SERINC1: variants seen among roughly 807,000 people sequenced by gnomAD.
SERINC1 encodes serine incorporator 1, also known as tumor differentially expressed protein 2.
A neutral mutation model predicts 52.9 loss-of-function variants in SERINC1; 38 were observed. The ratio of observed to expected loss-of-function variants is 0.72; its 90% confidence interval spans 0.55 to 0.94. The LOEUF is 0.94. Ranked by LOEUF, SERINC1 falls within the 40% of genes least tolerant of loss-of-function variation. SERINC1 has a pLI of 0.00. For synonymous variants in SERINC1, 198 were observed against 183.1 expected (o/e 1.08, Z -0.66); for missense variants, 471 against 533.9 (o/e 0.88, Z 1.16).
intron 9 of SERINC1, among the ~76,000 whole-genome samples, chr6:122,445,895 A>G (rs112021972): frequency 1.3e-5 from 2 of 149,260 alleles, no homozygotes; most frequent in African/African-American, 4.9e-5. Context: ...AAAAAAAAAA[A>G]AAAAAGAACC....
At chr6:122,453,710 A>AT (rs1774949676) in intron 5 of SERINC1, 60 bp downstream of exon 5, 3 of 1,412,624 alleles carry the variant, frequency 2.1e-6, no homozygotes, top group Non-Finnish European at 9.6e-7. Context: ...CCTAGTCTAC[A>AT]TATCTATTCT....
intron 6 of SERINC1, 22 bp from the exon 7 acceptor site, chr6:122,451,776 A>AAAATATATAT: frequency 2.7e-4 from 31 of 113,034 alleles, no homozygotes; most frequent in African/African-American, 1.6e-3. Context: ...AAAAAAAAAA[A>AAAATATATAT]ATATATATAT....
chr6:122,444,167 T>G lies in SERINC1; in HGVS notation c.*877A>C, dbSNP rs980470362. The G allele has an allele frequency of 6.6e-6, 1 of 151,920 alleles. No homozygotes were observed. Among genetic ancestry groups the G allele is most frequent in the Non-Finnish European group, 1.5e-5 (1 of 68,002 alleles). The allele number at this position is 151,920 out of a possible 1,614,324, so 9.4% of individuals were successfully genotyped here. On this transcript the variant is annotated 3_prime_UTR_variant, in exon 10 of 10. Coordinates refer to ENST00000339697, the MANE Select transcript of SERINC1 (RefSeq NM_020755.4). ...ATGCTACAAAGCCCAGATTATTTTT[T>G]ATAGAAACAGGGTTTCACCATGTTG...
Position 122,452,027 on chromosome 6 carries a change from A to G in SERINC1, c.620T>C (p.Leu207Pro). The G allele has an allele frequency of 6.4e-7, 1 of 1,567,590 alleles. No individual in the cohort carries two copies. Among genetic ancestry groups the G allele is most frequent in the Non-Finnish European group, 8.6e-7 (1 of 1,158,790 alleles). ...CAGGACGATAGCAACTAAAGACAGC[A>G]GATAATTCAGAGCTGTAGCTGATAA... is the stretch of plus-strand genomic sequence containing the variant. ...ALLSATALNYLLSLVAIVLFF... is the reference protein window; with the variant it reads ...ALLSATALNYPLSLVAIVLFF... The change falls in exon 6 of 10, where the codon CTG (leucine) becomes CCG (proline). Residue 207 changes from leucine (L) to proline (P), a missense_variant. By Grantham distance (98) the Leu-to-Pro change is moderately conservative (BLOSUM62 -3). Coordinates refer to ENST00000339697, the MANE Select transcript of SERINC1 (RefSeq NM_020755.4).
At chr6:122,467,756 CTTAT>C (rs1259861041) in intron 1 of SERINC1, among the ~76,000 whole-genome samples, 11 of 152,140 alleles carry the variant, frequency 7.2e-5, no homozygotes, top group Non-Finnish European at 1.5e-5. Context: ...CATATATAAA[CTTAT>C]TTAAATAGTC....
chr6:122,465,114 C>G (rs1178558460), intron 1 of SERINC1, among the ~76,000 whole-genome samples: 2 of 151,652 alleles, frequency 1.3e-5, no homozygotes, highest in Admixed American at 1.3e-4. Flanking sequence ...TTTGTTCTTC[C>G]CAGAACAAAT....
chr6:122,466,330 C>T (rs1775191171), intron 1 of SERINC1, among the ~76,000 whole-genome samples: 1 of 152,022 alleles, frequency 6.6e-6, no homozygotes, highest in Non-Finnish European at 1.5e-5. Context: ...GACAGAGTCT[C>T]ACTCTGTCGT....
chr6:122,459,994 A>G (rs1775073280), intron 1 of SERINC1, among the ~76,000 whole-genome samples: 1 of 152,218 alleles, frequency 6.6e-6, no homozygotes, highest in Non-Finnish European at 1.5e-5. Context: ...TTTTCAGACA[A>G]TGAACAACAG....
intron 7 of SERINC1, 105 bp downstream of exon 7, chr6:122,451,559 C>T: frequency 2.4e-6 from 1 of 422,118 alleles, no homozygotes; most frequent in East Asian, 6.1e-5. Flanking sequence ...TACTTTATTC[C>T]TCTAGAAGCC....
Position 122,453,673 on chromosome 6 carries a change from T to G in SERINC1, c.589+97A>C, listed in dbSNP as rs1000862084. The G allele has an allele frequency of 7.0e-6, 7 of 995,418 alleles. No individual in the cohort carries two copies. In the African/African-American group the frequency reaches 9.9e-5, roughly 14 times the overall value. The allele number at this position is 995,418 out of a possible 1,614,324, so 61.7% of individuals were successfully genotyped here. ...AATTAAAAACCTCATCATAGGAAAGTAGACCATAAAAATCCTAAGTGATTT... is the reference window on the plus strand; with the variant it reads ...AATTAAAAACCTCATCATAGGAAAGGAGACCATAAAAATCCTAAGTGATTT... On this transcript the variant is annotated intron_variant, in intron 5 of 9. Coordinates refer to ENST00000339697, the MANE Select transcript of SERINC1 (RefSeq NM_020755.4).
chr6:122,470,093 G>A lies in SERINC1; in HGVS notation c.39+1606C>T, dbSNP rs534882143. 3.9e-5 allele frequency among the ~76,000 whole-genome samples: 6 copies of A among 152,320 alleles called. No individual in the cohort carries two copies. The South Asian group carries it at 1.2e-3, about 32-fold the overall frequency. On this transcript the variant is annotated intron_variant, in intron 1 of 9. Coordinates refer to ENST00000339697, the MANE Select transcript of SERINC1 (RefSeq NM_020755.4). ...AAACTGAGCACGGTAGCACCTGCCT[G>A]TAGTACCAGCTACCTGGGAGGCTGA... is the stretch of plus-strand genomic sequence containing the variant.
intron 1 of SERINC1, among the ~76,000 whole-genome samples, chr6:122,467,270 G>A (rs1270554106): frequency 2.0e-5 from 3 of 152,144 alleles, no homozygotes; most frequent in African/African-American, 7.2e-5. Context: ...ACTTAGAGAT[G>A]CATACAGCTG....
At chr6:122,459,646 G>A (rs1026467291) in intron 1 of SERINC1, among the ~76,000 whole-genome samples, 1 of 152,034 alleles carries the variant, frequency 6.6e-6, no homozygotes, top group African/African-American at 2.4e-5. Context: ...GGCATATGAA[G>A]AATTCAGTCT....
intron 7 of SERINC1, among the ~76,000 whole-genome samples, 200 bp from the exon 8 acceptor site, chr6:122,447,465 A>G (rs924506260): frequency 1.3e-5 from 2 of 152,210 alleles, no homozygotes; most frequent in African/African-American, 2.4e-5. Flanking sequence ...CTGATTTTAT[A>G]GAAGTACCTG....
Position 122,451,758 on chromosome 6 carries a change from C to CAAAAAAAA in SERINC1, c.760-12_760-5dup, listed in dbSNP as rs750920534. ...AACCAGATCTTGGTTGTGATTCCTA[C>CAAAAAAAA]AAAAAAAAAAAAAAAAAAATATATA... On this transcript the variant is annotated splice_region_variant and splice_polypyrimidine_tract_variant and intron_variant, in intron 6 of 9. Coordinates refer to ENST00000339697, the MANE Select transcript of SERINC1 (RefSeq NM_020755.4). The CAAAAAAAA allele has an allele frequency of 2.5e-3, 225 of 88,386 alleles. 16 individuals carry two copies. Among genetic ancestry groups the CAAAAAAAA allele is most frequent in the Non-Finnish European group, 3.0e-3 (181 of 60,496 alleles). The allele number at this position is 88,386 out of a possible 1,614,324, so 5.5% of individuals were successfully genotyped here.
At chr6:122,461,404 T>C (rs1775097032) in intron 1 of SERINC1, among the ~76,000 whole-genome samples, 5 of 151,602 alleles carry the variant, frequency 3.3e-5, no homozygotes, top group South Asian at 2.1e-4. Context: ...GAAAAAAATA[T>C]GTAAACATAG....
Position 122,458,674 on chromosome 6 carries a change from C to A in SERINC1, c.47G>T (p.Cys16Phe). The change falls in exon 2 of 10, where the codon TGT (cysteine) becomes TTT (phenylalanine). Residue 16 changes from cysteine (C) to phenylalanine (F), a missense_variant. Coordinates refer to ENST00000339697, the MANE Select transcript of SERINC1 (RefSeq NM_020755.4). ...GLCSMASWIPCLCGSAPCLLC... is the reference protein window; with the variant it reads ...GLCSMASWIPFLCGSAPCLLC... ...CAAACACGGGGCACTTCCACACAAA[C>A]ATGGTATCTGGGAAAAAGAATATTA... is the stretch of plus-strand genomic sequence containing the variant. 6.3e-7 allele frequency: 1 copy of A among 1,592,112 alleles called. No homozygotes were observed. Among genetic ancestry groups the A allele is most frequent in the Admixed American group, 1.7e-5 (1 of 58,180 alleles).
In SERINC1 at chr6:122,445,895, A is replaced by AAAAAAAAAAAAAG. The variant is rs1321761456; in HGVS notation, c.1227-717_1227-716insCTTTTTTTTTTTT. On this transcript the variant is annotated intron_variant, in intron 9 of 9. Coordinates refer to ENST00000339697, the MANE Select transcript of SERINC1 (RefSeq NM_020755.4). ...CAAGACTCCATTTCAAAAAAAAAAA[A>AAAAAAAAAAAAAG]AAAAAGAACCAGCTGGATTCTTATA... Among the ~76,000 whole-genome samples the AAAAAAAAAAAAAG allele has an allele frequency of 9.2e-4, 137 of 149,362 alleles. 3 individuals carry two copies. Among genetic ancestry groups the AAAAAAAAAAAAAG allele is most frequent in the African/African-American group, 3.1e-3 (128 of 40,854 alleles).
At chr6:122,454,637 T>C (rs1774965779) in intron 3 of SERINC1, 1 of 169,376 alleles carries the variant, frequency 5.9e-6, no homozygotes, top group African/African-American at 2.4e-5. Flanking sequence ...TGGGGACTAC[T>C]GGACACTGGC....
Sources: gnomAD v4.1 joint callset for allele counts (sites outside exome capture counted in the v4.1 genomes callset) on GRCh38, gnomAD v4.1.1 for gene constraint, MANE v1.5 for transcripts, NCBI Gene and HGNC (gene_info 2026-07-23, HGNC 2026-07-21) for gene names.